ZNF718: variants seen among roughly 807,000 people sequenced by gnomAD.
ZNF718 encodes zinc finger protein 718.
Under a neutral mutation model 2.6 loss-of-function variants are expected in ZNF718, and 3 were observed. The observed-to-expected ratio is 1.16, with a 90% CI of 0.53 to 3.01. The LOEUF is 3.01. Ranked by LOEUF, ZNF718 falls within the 30% of genes most tolerant of loss-of-function variation. The pLI is 0.03. For missense variants in ZNF718, 468 were observed against 230.0 expected (o/e 2.03, Z -6.69); for synonymous variants, 135 against 77.9 (o/e 1.73, Z -3.86).
intron 3 of ZNF718, among the ~76,000 whole-genome samples, chr4:135,775 TTTTA>T (rs1553809238): frequency 2.1e-5 from 3 of 145,140 alleles, no homozygotes; most frequent in South Asian, 2.2e-4. Context: ...ACAGTAATGT[TTTTA>T]TTTCTTTCCC....
intron 3 of ZNF718, among the ~76,000 whole-genome samples, chr4:187,576 G>A (rs531233003): frequency 7.2e-5 from 11 of 152,172 alleles, no homozygotes; most frequent in Non-Finnish European, 1.2e-4. Context: ...CACCAGTTAA[G>A]GTTGCAATAC....
At chr4:180,660 AAAATGCAT>A (rs1288839826) in intron 3 of ZNF718, among the ~76,000 whole-genome samples, 2 of 152,230 alleles carry the variant, frequency 1.3e-5, no homozygotes, top group Non-Finnish European at 2.9e-5. Flanking sequence ...AAGTTAAATA[AAAATGCAT>A]AAGGCATATC....
At chr4:192,820 G>A (rs1231435181) in intron 3 of ZNF718, among the ~76,000 whole-genome samples, 1 of 152,144 alleles carries the variant, frequency 6.6e-6, no homozygotes, top group Non-Finnish European at 1.5e-5. Context: ...TTAACAAGGG[G>A]GTTAAAGATA....
chr4:197,360 T>G (rs1553822203), intron 3 of ZNF718, among the ~76,000 whole-genome samples: 1 of 152,078 alleles, frequency 6.6e-6, no homozygotes, highest in East Asian at 1.9e-4. Context: ...AAGACAAAGA[T>G]AACACACAAA....
rs1553815468 is a variant in ZNF718, at chr4:161,922, C to T, written c.1237C>T (p.His413Tyr). ...TAAAGTGTTTGCAAACCTGCATAAT[C>T]ATAAGAAAATTCATACTGGAGAGAA... is the stretch of plus-strand genomic sequence containing the variant. ...AFKVFANLHN[H>Y]KKIHTGEKPY... is the part of the protein sequence containing the mutation. The change falls in exon 4 of 4, where the codon CAT becomes TAT. Residue 413 changes from histidine to tyrosine, a missense_variant. Physicochemically the swap from His to Tyr is moderately conservative, Grantham distance 83 (BLOSUM62 2). Coordinates refer to ENST00000510175, the MANE Select transcript of ZNF718 (RefSeq NM_001039127.6). The T allele has an allele frequency of 1.3e-6, 1 of 779,946 alleles. No homozygotes were observed. The highest frequency in any genetic ancestry group is 1.7e-5 in the Admixed American group (1 of 58,892). 48.3% of individuals were successfully genotyped at this position (779,946 alleles called of 1,614,324 possible).
chr4:145,032 G>A (rs555400488), intron 3 of ZNF718, among the ~76,000 whole-genome samples: 5 of 150,990 alleles, frequency 3.3e-5, no homozygotes, highest in South Asian at 2.1e-4. Flanking sequence ...TTTCATCTTC[G>A]AACCACTAAT....
intron 3 of ZNF718, among the ~76,000 whole-genome samples, chr4:160,565 A>G (rs921593739): frequency 6.6e-6 from 1 of 152,074 alleles, no homozygotes; most frequent in Admixed American, 6.6e-5. Context: ...TTATTTATTT[A>G]TTGAGATGGG....
intron 3 of ZNF718, among the ~76,000 whole-genome samples, chr4:149,414 A>C (rs1483406443): frequency 6.6e-6 from 1 of 152,120 alleles, no homozygotes; most frequent in Non-Finnish European, 1.5e-5. Context: ...GTATATATTT[A>C]ATATTTTGTG....
rs1397038286 is a variant in ZNF718 at position 132,274 on chromosome 4, T to A, written c.226+769T>A. On this transcript the variant is annotated intron_variant, in intron 3 of 3. Transcript: ENST00000510175. Reference sequence around the variant, plus strand: ...GAAGCTCTGTGACAAAGAAAATAATTTCTGAAAAGGCTGCATTTTTTCTCT... The same window carrying A: ...GAAGCTCTGTGACAAAGAAAATAATATCTGAAAAGGCTGCATTTTTTCTCT... 3.9e-5 allele frequency among the ~76,000 whole-genome samples: 4 copies of A among 103,674 alleles called. 2 individuals are homozygous for A. Among genetic ancestry groups the A allele is most frequent in the Non-Finnish European group, 8.6e-5 (4 of 46,532 alleles). 68.0% of individuals were successfully genotyped at this position (103,674 alleles called of 152,430 possible).
chr4:194,137 G>T (rs1159704792), intron 3 of ZNF718, among the ~76,000 whole-genome samples: 3 of 152,228 alleles, frequency 2.0e-5, no homozygotes, highest in African/African-American at 7.2e-5. Context: ...GTTCAATAGG[G>T]TTTCTAAGTT....
intron 3 of ZNF718, among the ~76,000 whole-genome samples, chr4:158,287 C>T (rs1716665947): frequency 6.6e-6 from 1 of 151,982 alleles, no homozygotes; most frequent in Admixed American, 6.6e-5. Context: ...TGTAGAAAAG[C>T]AGGTTGGATC....
intron 3 of ZNF718, among the ~76,000 whole-genome samples, chr4:146,464 C>T (rs1360914947): frequency 1.3e-5 from 2 of 151,976 alleles, no homozygotes; most frequent in African/African-American, 4.8e-5. Context: ...TTAAGAATCT[C>T]CCATTGTCTT....
At chr4:127,021 T>C (rs1470607004) in intron 1 of ZNF718, among the ~76,000 whole-genome samples, 3 of 152,172 alleles carry the variant, frequency 2.0e-5, no homozygotes, top group Non-Finnish European at 4.4e-5. Flanking sequence ...AGACGGGGTT[T>C]CGCCATGTTG....
intron 1 of ZNF718, 51 bp downstream of exon 1, chr4:124,724 C>G (rs1194944115): frequency 1.2e-6 from 2 of 1,603,822 alleles, no homozygotes; most frequent in African/African-American, 1.3e-5. Flanking sequence ...TCATCGGAAC[C>G]GGCGGGAAAT....
intron 3 of ZNF718, among the ~76,000 whole-genome samples, chr4:182,648 G>A (rs1368726605): frequency 7.2e-5 from 11 of 152,022 alleles, no homozygotes. Context: ...GGCCAGGCTG[G>A]TGTTGAACTC....
chr4:197,196 A>T (rs73075720), intron 3 of ZNF718, among the ~76,000 whole-genome samples: 2,911 of 152,130 alleles, frequency 0.019, 83 homozygotes, highest in African/African-American at 0.067. Flanking sequence ...ACTCAGAGGT[A>T]TCAGGACCTG....
chr4:193,943 G>A (rs1383485305), intron 3 of ZNF718, among the ~76,000 whole-genome samples: 5 of 152,146 alleles, frequency 3.3e-5, no homozygotes, highest in African/African-American at 1.2e-4. Flanking sequence ...TTTTTAAAGT[G>A]TCCTTGTAGA....
chr4:140,260 A>G (rs546670696), intron 3 of ZNF718, among the ~76,000 whole-genome samples: 1 of 152,284 alleles, frequency 6.6e-6, no homozygotes, highest in South Asian at 2.1e-4. Flanking sequence ...GACATCTGAC[A>G]CTGAGATCGG....
rs576329932 is a variant in ZNF718 at position 157,158 on chromosome 4, G to A, written c.227-3754G>A. Among the ~76,000 whole-genome samples the A allele has an allele frequency of 6.3e-5, 8 of 127,314 alleles. No homozygotes were observed. The East Asian group carries it at 1.1e-3, about 18-fold the overall frequency. The allele number at this position is 127,314 out of a possible 152,430, so 83.5% of individuals were successfully genotyped here. A position where few individuals can be genotyped will look rare whatever the true frequency, so the allele number is the denominator to read the frequency against. On this transcript the variant is annotated intron_variant, in intron 3 of 3. Transcript: ENST00000510175. ...AGACAGTTCCACACTTGTTGCCCAC[G>A]CTGGAGTGCAATGGTGCAATCTCAG...
Sources: gnomAD v4.1 joint callset for allele counts (sites outside exome capture counted in the v4.1 genomes callset) on GRCh38, gnomAD v4.1.1 for gene constraint, MANE v1.5 for transcripts, NCBI Gene and HGNC (gene_info 2026-07-23, HGNC 2026-07-21) for gene names.